KLF12: variants seen among roughly 807,000 people sequenced by gnomAD.
KLF12 encodes the protein KLF transcription factor 12.
Under a neutral mutation model 37.8 loss-of-function variants are expected in KLF12, and 9 were observed. The ratio of observed to expected loss-of-function variants is 0.24; its 90% CI spans 0.14 to 0.42. KLF12 has a LOEUF of 0.42. Ranked by LOEUF, KLF12 falls within the 10% of genes least tolerant of loss-of-function variation. The probability of loss-of-function intolerance (pLI) is 1.00; values close to 1 mark genes in which losing one functional copy is unlikely to be tolerated. For missense variants in KLF12, 411 were observed against 516.0 expected (o/e 0.80, Z 1.97); for synonymous variants, 208 against 202.1 (o/e 1.03, Z -0.25).
rs1273947916 is a variant in KLF12, at chr13:73,890,716, TA to T, written c.124-44344del. Reference sequence around the variant, plus strand: ...AAACCTATCTTGAAAGAGATAAGTTTAAAAAAAAAAAATAAAAGATTCCAGT... The same window carrying T: ...AAACCTATCTTGAAAGAGATAAGTTTAAAAAAAAAAATAAAAGATTCCAGT... On this transcript the variant is annotated intron_variant, in intron 3 of 7. Coordinates refer to ENST00000377669, the MANE Select transcript of KLF12 (RefSeq NM_007249.5). 4.4e-4 allele frequency among the ~76,000 whole-genome samples: 64 copies of T among 146,632 alleles called. 1 individual carries two copies. Among genetic ancestry groups the T allele is most frequent in the South Asian group, 2.4e-3 (11 of 4,644 alleles).
chr13:73,911,234 T>C (rs1484931669), intron 3 of KLF12, among the ~76,000 whole-genome samples: 1 of 152,084 alleles, frequency 6.6e-6, no homozygotes. Context: ...TCAAAAATAT[T>C]AATAAAATTT....
chr13:73,707,475 T>G (rs183836859), intron 7 of KLF12, among the ~76,000 whole-genome samples: 1 of 152,206 alleles, frequency 6.6e-6, no homozygotes, highest in Admixed American at 6.5e-5. Flanking sequence ...ATTCATGAGC[T>G]ATTTGATCAG....
At chr13:74,231,596 A>C in the KLF12 span, 1 of 152,174 alleles carries the variant, frequency 6.6e-6, no homozygotes, top group Non-Finnish European at 1.5e-5. Flanking sequence ...AGCCCTGACT[A>C]TCCCAACATA....
chr13:74,017,290 A>G (rs1289008601), intron 1 of KLF12, among the ~76,000 whole-genome samples: 5 of 116,124 alleles, frequency 4.3e-5, no homozygotes, highest in South Asian at 2.8e-4. Flanking sequence ...AAAAAAAAAA[A>G]GTCAACACAT....
chr13:74,074,340 C>A (rs1225016496), intron 1 of KLF12, among the ~76,000 whole-genome samples: 2 of 152,182 alleles, frequency 1.3e-5, no homozygotes, highest in Non-Finnish European at 2.9e-5. Context: ...TGTCCTCTTG[C>A]TCCCAGAGAA....
chr13:74,083,871 T>TAA (rs1875088471), intron 1 of KLF12, among the ~76,000 whole-genome samples: 1 of 152,198 alleles, frequency 6.6e-6, no homozygotes, highest in Admixed American at 6.5e-5. Flanking sequence ...TCATTTTGTC[T>TAA]TTGGAAAGCA....
rs574604413 is a variant in KLF12, at chr13:73,781,274, T to C, written c.807-16274A>G. Reference sequence around the variant, plus strand: ...TAGTATAGTTTAAACAACTTTTATATGCACTGGGAAACCAAAAATTTGTGT... The same window carrying C: ...TAGTATAGTTTAAACAACTTTTATACGCACTGGGAAACCAAAAATTTGTGT... On this transcript the variant is annotated intron_variant, in intron 5 of 7. Transcript: ENST00000377669. Among the ~76,000 whole-genome samples, 41 of 152,382 alleles carry C rather than the reference T, an allele frequency of 2.7e-4. No individual in the cohort carries two copies. The South Asian group carries it at 7.7e-3, about 28-fold the overall frequency.
chr13:74,205,995 T>C, the KLF12 span, among the ~76,000 whole-genome samples: 5 of 152,152 alleles, frequency 3.3e-5, no homozygotes, highest in African/African-American at 1.2e-4. Context: ...TGCAAGTTTA[T>C]AAATATCAAA....
rs1193994217 is a variant in KLF12, at chr13:73,694,237, G to C, written c.*1253C>G. ...CCATTAACCGAAGAGTTAATTCCCGGCTATGCCTCCCTTGCCTTTCTAGTC... is the reference window on the plus strand; with the variant it reads ...CCATTAACCGAAGAGTTAATTCCCGCCTATGCCTCCCTTGCCTTTCTAGTC... On this transcript the variant is annotated 3_prime_UTR_variant, in exon 8 of 8. Coordinates refer to ENST00000377669, the MANE Select transcript of KLF12 (RefSeq NM_007249.5). The C allele has an allele frequency of 6.6e-6, 1 of 152,504 alleles. No individual in the cohort carries two copies. Among genetic ancestry groups the C allele is most frequent in the African/African-American group, 2.4e-5 (1 of 41,404 alleles). The allele number at this position is 152,504 out of a possible 1,614,324, so 9.4% of individuals were successfully genotyped here.
intron 6 of KLF12, among the ~76,000 whole-genome samples, chr13:73,738,728 A>AAG (rs374422566): frequency 1.5e-3 from 228 of 152,280 alleles, no homozygotes; most frequent in African/African-American, 5.3e-3. Flanking sequence ...ATAAAGAACA[A>AAG]AGACCATGAT....
At chr13:74,165,894 C>T in the KLF12 span, among the ~76,000 whole-genome samples, 1 of 152,098 alleles carries the variant, frequency 6.6e-6, no homozygotes, top group African/African-American at 2.4e-5. Flanking sequence ...GTTAGAGGAC[C>T]TCTGCCCATT....
chr13:74,291,573 G>T, the KLF12 span, among the ~76,000 whole-genome samples: 1 of 152,178 alleles, frequency 6.6e-6, no homozygotes, highest in Non-Finnish European at 1.5e-5. Flanking sequence ...CCACAGGCAG[G>T]GCTGTATATT....
intron 1 of KLF12, among the ~76,000 whole-genome samples, chr13:74,012,783 G>A (rs1232130498): frequency 2.0e-5 from 3 of 152,082 alleles, no homozygotes; most frequent in Admixed American, 2.0e-4. Flanking sequence ...CAGTACTTCA[G>A]TTCCTTTACA....
At chr13:73,906,192 C>T (rs905751906) in intron 3 of KLF12, among the ~76,000 whole-genome samples, 1 of 152,140 alleles carries the variant, frequency 6.6e-6, no homozygotes, top group African/African-American at 2.4e-5. Flanking sequence ...TTGACAGATA[C>T]TCTAATATTC....
intron 3 of KLF12, among the ~76,000 whole-genome samples, chr13:73,910,688 G>A (rs1243311673): frequency 1.3e-5 from 2 of 152,122 alleles, no homozygotes; most frequent in African/African-American, 4.8e-5. Flanking sequence ...ATAATGCACT[G>A]AATATTACCA....
At chr13:73,943,751 G>T (rs953135161) in intron 3 of KLF12, among the ~76,000 whole-genome samples, 1 of 152,176 alleles carries the variant, frequency 6.6e-6, no homozygotes, top group African/African-American at 2.4e-5. Context: ...TTCTAATAAT[G>T]TCACTATGCC....
chr13:74,148,149 T>G, the KLF12 span, among the ~76,000 whole-genome samples: 2 of 151,978 alleles, frequency 1.3e-5, no homozygotes, highest in Non-Finnish European at 2.9e-5. Context: ...ACTCCTAACC[T>G]GATGATCCAC....
the KLF12 span, among the ~76,000 whole-genome samples, chr13:74,188,857 C>T: frequency 2.0e-5 from 3 of 151,880 alleles, no homozygotes; most frequent in Non-Finnish European, 4.4e-5. Flanking sequence ...ATTAGCTGGG[C>T]GTGGTGGTGC....
At chr13:73,857,308 T>G (rs1370158861) in intron 3 of KLF12, among the ~76,000 whole-genome samples, 3 of 152,202 alleles carry the variant, frequency 2.0e-5, no homozygotes, top group Non-Finnish European at 4.4e-5. Context: ...CAAGATGACG[T>G]GTTCTAGAAA....
Sources: allele counts gnomAD v4.1 joint callset (sites outside exome capture counted in the v4.1 genomes callset), GRCh38; gene constraint gnomAD v4.1.1; transcripts MANE v1.5; gene names NCBI Gene and HGNC (gene_info 2026-07-23, HGNC 2026-07-21).